The following ERMP1 variants were observed in gnomAD, a reference collection of about 807,000 sequenced individuals.
The protein encoded by ERMP1 is Felix-ina.
ERMP1 carries 86 observed loss-of-function variants against 92.0 expected under a neutral mutation model. That is an observed-to-expected ratio of 0.93 (90% CI 0.79 to 1.12). The LOEUF is 1.12. Ranked by LOEUF, ERMP1 falls within the 50% of genes most tolerant of loss-of-function variation. ERMP1 has a pLI of 0.00. For missense variants in ERMP1, 1,342 were observed against 1,116.3 expected (o/e 1.20, Z -2.88); for synonymous variants, 530 against 412.8 (o/e 1.28, Z -3.44).
chr9:5,786,967 T>C lies in ERMP1; in HGVS notation c.*177A>G, dbSNP rs1827964788. 2.1e-5 allele frequency: 12 copies of C among 575,590 alleles called. No homozygotes were observed. In the East Asian group the frequency reaches 4.0e-4, roughly 19 times the overall value. The allele number at this position is 575,590 out of a possible 1,614,324, so 35.7% of individuals were successfully genotyped here. On this transcript the variant is annotated 3_prime_UTR_variant, in exon 15 of 15. Transcript: ENST00000339450. ...CAAGTGTCAACAGGCCATGCATCAC[T>C]GCGCCACAGCTAAACCCTTATAGTG... is the stretch of plus-strand genomic sequence containing the variant.
chr9:5,805,526 A>C, intron 9 of ERMP1, 85 bp downstream of exon 9: 1 of 1,294,276 alleles, frequency 7.7e-7, no homozygotes, highest in South Asian at 1.7e-5. Context: ...AGCCTACCCA[A>C]TAAAACCAAA....
Position 5,852,750 on chromosome 9 carries a change from G to A in ERMP1, n.3199+6718C>T, listed in dbSNP as rs529084034. Among the ~76,000 whole-genome samples, 4 of 151,568 alleles carry A rather than the reference G, an allele frequency of 2.6e-5. No individual in the cohort carries two copies. In the South Asian group the frequency reaches 6.2e-4, roughly 24 times the overall value. ...TTTAACCTTGTATGTATTTTAATAA[G>A]CTGCCTCAAACATGCTTTTTGAAAT... On this transcript the variant is annotated intron_variant and non_coding_transcript_variant, in intron 6 of 6. Coordinates refer to the ERMP1 transcript ENST00000690753.
intron 5 of ERMP1, among the ~76,000 whole-genome samples, chr9:5,860,638 G>GA (rs1276242229): frequency 6.6e-6 from 1 of 150,654 alleles, no homozygotes; most frequent in Non-Finnish European, 1.5e-5. Flanking sequence ...TAGAGATCGG[G>GA]GGGTCTCACT....
intron 13 of ERMP1, among the ~76,000 whole-genome samples, chr9:5,791,979 T>C (rs1285535075): frequency 6.6e-6 from 1 of 152,128 alleles, no homozygotes; most frequent in Non-Finnish European, 1.5e-5. Context: ...GCTCACTTAA[T>C]TGGAAATGAT....
At chr9:5,824,174 T>C (rs1000582374) in intron 3 of ERMP1, among the ~76,000 whole-genome samples, 173 bp from the exon 4 acceptor site, 1 of 152,244 alleles carries the variant, frequency 6.6e-6, no homozygotes, top group Non-Finnish European at 1.5e-5. Context: ...CTATGCATAA[T>C]GGCCATGCAC....
chr9:5,815,039 G>C (rs1213004714), intron 4 of ERMP1, among the ~76,000 whole-genome samples: 1 of 152,046 alleles, frequency 6.6e-6, no homozygotes, highest in Non-Finnish European at 1.5e-5. Context: ...AAGAAAAAAA[G>C]GTTGGAAAAT....
intron 2 of ERMP1, among the ~76,000 whole-genome samples, chr9:5,827,307 G>A (rs1461971622): frequency 1.3e-5 from 2 of 152,126 alleles, no homozygotes; most frequent in African/African-American, 4.8e-5. Flanking sequence ...GAGAAGAACT[G>A]TCTTGGGCCA....
chr9:5,801,074 T>C, intron 11 of ERMP1, 102 bp downstream of exon 11: 2 of 1,258,454 alleles, frequency 1.6e-6, no homozygotes, highest in Non-Finnish European at 2.2e-6. Context: ...ACTAAATAGG[T>C]CAACAGCAGA....
At position 5,832,815 on chromosome 9, in the gene ERMP1, C is replaced by A; in HGVS notation, c.213G>T (p.Val71=). 1 of 1,502,014 alleles carries A rather than the reference C, an allele frequency of 6.7e-7. No homozygotes were observed. The highest frequency in any genetic ancestry group is 1.2e-5 in the South Asian group (1 of 80,352). The allele number at this position is 1,502,014 out of a possible 1,614,324, so 93.0% of individuals were successfully genotyped here. The change falls in exon 1 of 15, where the codon GTG becomes GTT. Residue 71 remains valine (V), a synonymous_variant. Transcript: ENST00000339450. ...AGAGCGCGAGCCCCAGCGCGGCGCGCACCTCAGACAGCCCGGTCCCCGCGC... is the reference window on the plus strand; with the variant it reads ...AGAGCGCGAGCCCCAGCGCGGCGCGAACCTCAGACAGCCCGGTCCCCGCGC... ...SRGAGTGLSE[V]RAALGLALYL... is the part of the protein sequence containing the mutation.
At chr9:5,814,597 G>T (rs1829231315) in intron 4 of ERMP1, among the ~76,000 whole-genome samples, 1 of 152,096 alleles carries the variant, frequency 6.6e-6, no homozygotes, top group Non-Finnish European at 1.5e-5. Flanking sequence ...ACAAAAATAA[G>T]CAGGGCATGG....
In ERMP1 at chr9:5,833,054, A is replaced by T; in HGVS notation, c.-27T>A. On this transcript the variant is annotated 5_prime_UTR_variant, in exon 1 of 15. It adds an upstream start codon to the 5' untranslated region. Coordinates refer to ENST00000339450, the MANE Select transcript of ERMP1 (RefSeq NM_024896.3). ...GCCACGAGCCTCAGCTGCCAGCCCA[A>T]CCGCCCCAACCCGCGACAGCCCCGG... 3 of 1,429,676 alleles carry T rather than the reference A, an allele frequency of 2.1e-6. No homozygotes were observed. The highest frequency in any genetic ancestry group is 2.7e-6 in the Non-Finnish European group (3 of 1,100,864). 88.6% of individuals were successfully genotyped at this position (1,429,676 alleles called of 1,614,324 possible).
chr9:5,852,871 G>A (rs1563782995), intron 6 of ERMP1, among the ~76,000 whole-genome samples: 2 of 152,092 alleles, frequency 1.3e-5, no homozygotes, highest in Admixed American at 1.3e-4. Flanking sequence ...ATCCTTTCCT[G>A]ACTACAGGGT....
At chr9:5,853,148 A>G (rs1830330230) in intron 6 of ERMP1, among the ~76,000 whole-genome samples, 1 of 152,192 alleles carries the variant, frequency 6.6e-6, no homozygotes, top group Non-Finnish European at 1.5e-5. Context: ...CTTTATGCCA[A>G]CTCATCTCAG....
At chr9:5,853,515 C>T (rs1310848847) in intron 6 of ERMP1, among the ~76,000 whole-genome samples, 1 of 152,022 alleles carries the variant, frequency 6.6e-6, no homozygotes, top group African/African-American at 2.4e-5. Flanking sequence ...AAACAGCCAC[C>T]TAGATAAAGT....
Position 5,831,595 on chromosome 9 carries a change from G to A in ERMP1, c.339-567C>T, listed in dbSNP as rs1586827098. The stretch of plus-strand genomic sequence containing the variant: ...CACTCCAGCCTGGGCGACAGAGCCA[G>A]GCCCTGTCTCAGAAAACAAACAAAA... On this transcript the variant is annotated intron_variant, in intron 1 of 14. Coordinates refer to ENST00000339450, the MANE Select transcript of ERMP1 (RefSeq NM_024896.3). Among the ~76,000 whole-genome samples the A allele has an allele frequency of 2.0e-5, 3 of 152,260 alleles. No individual in the cohort carries two copies. In the East Asian group the frequency reaches 5.8e-4, roughly 29 times the overall value.
intron 4 of ERMP1, among the ~76,000 whole-genome samples, chr9:5,822,912 CT>C (rs1586814054): frequency 1.3e-5 from 2 of 152,188 alleles, no homozygotes; most frequent in Non-Finnish European, 2.9e-5. Flanking sequence ...CTCCCACATG[CT>C]TAGCGTTCCA....
chr9:5,854,879 T>C (rs1430114209), intron 6 of ERMP1, among the ~76,000 whole-genome samples: 1 of 152,210 alleles, frequency 6.6e-6, no homozygotes, highest in Non-Finnish European at 1.5e-5. Flanking sequence ...TTATGTAGGT[T>C]AATATTTCCC....
At chr9:5,795,209 A>G (rs936015405) in intron 13 of ERMP1, among the ~76,000 whole-genome samples, 5 of 152,220 alleles carry the variant, frequency 3.3e-5, no homozygotes, top group African/African-American at 1.2e-4. Context: ...TTCATGATAA[A>G]AACTCTCAGT....
chr9:5,827,913 G>C (rs951243545), intron 2 of ERMP1, among the ~76,000 whole-genome samples: 13 of 152,204 alleles, frequency 8.5e-5, no homozygotes, highest in Admixed American at 7.9e-4. Flanking sequence ...GGGAGGCAGA[G>C]CTTGCAGTGA....
Sources: gnomAD v4.1 joint callset for allele counts (sites outside exome capture counted in the v4.1 genomes callset) on GRCh38, gnomAD v4.1.1 for gene constraint, MANE v1.5 for transcripts, NCBI Gene and HGNC (gene_info 2026-07-23, HGNC 2026-07-21) for gene names.